TLDC2: variants seen among roughly 807,000 people sequenced by gnomAD.
The protein encoded by TLDC2 is TLD domain-containing protein 2.
In TLDC2, 23 loss-of-function variants were observed where a neutral mutation model predicts 27.9. The observed-to-expected ratio is 0.82, with a 90% CI of 0.59 to 1.17. TLDC2 has a LOEUF of 1.17. Ranked by LOEUF, TLDC2 falls within the 50% of genes most tolerant of loss-of-function variation. The pLI, the probability that TLDC2 is intolerant of heterozygous loss-of-function variation, is 0.00. For synonymous variants in TLDC2, 124 were observed against 107.4 expected, an observed-to-expected ratio of 1.16 and a Z score of -0.96; for missense variants, 286 against 273.4, an observed-to-expected ratio of 1.05 and a Z score of -0.32.
chr20:36,884,508 G>A (rs967736069), intron 4 of TLDC2, among the ~76,000 whole-genome samples: 5 of 151,922 alleles, frequency 3.3e-5, no homozygotes, highest in African/African-American at 1.2e-4. Context: ...TGTAATCCCA[G>A]CACTCGTGGG....
chr20:36,876,756 T>C (rs1989678003), intron 1 of TLDC2, among the ~76,000 whole-genome samples: 1 of 151,586 alleles, frequency 6.6e-6, no homozygotes, highest in Non-Finnish European at 1.5e-5. Context: ...CACACACACA[T>C]TCAAACACAC....
chr20:36,878,141 A>C (rs1019823540), intron 2 of TLDC2, 87 bp downstream of exon 2: 1 of 1,415,064 alleles, frequency 7.1e-7, no homozygotes, highest in Non-Finnish European at 9.5e-7. Context: ...GCCCAGGGGC[A>C]CCTAGAGTCA....
At chr20:36,876,369 G>A (rs1411495970) in intron 1 of TLDC2, among the ~76,000 whole-genome samples, 162 bp downstream of exon 1, 1 of 152,182 alleles carries the variant, frequency 6.6e-6, no homozygotes, top group Non-Finnish European at 1.5e-5. Context: ...ACTGACTCAG[G>A]AACATGGGGT....
intron 2 of TLDC2, 144 bp from the exon 3 acceptor site, chr20:36,878,897 C>T: frequency 1.6e-6 from 2 of 1,217,108 alleles, no homozygotes; most frequent in East Asian, 2.4e-5. Context: ...TGGCTGATGG[C>T]ATGAAAGTCC....
At chr20:36,888,318 G>A (rs1452931178) in intron 5 of TLDC2, among the ~76,000 whole-genome samples, 2 of 151,310 alleles carry the variant, frequency 1.3e-5, no homozygotes, top group Non-Finnish European at 2.9e-5. Flanking sequence ...CACACCCTCC[G>A]ACTCCTGGGT....
intron 6 of TLDC2, chr20:36,890,567 C>G (rs143276320): frequency 6.6e-6 from 1 of 151,966 alleles, no homozygotes; most frequent in African/African-American, 2.4e-5. Flanking sequence ...CGGATTCAAG[C>G]GATTCTCCTG....
intron 2 of TLDC2, 68 bp from the exon 3 acceptor site, chr20:36,878,973 C>CTAG: frequency 6.2e-7 from 1 of 1,611,612 alleles, no homozygotes; most frequent in Admixed American, 1.7e-5. Context: ...GCTGTCCAAG[C>CTAG]CCACCCCCAG....
At chr20:36,881,551 G>A (rs922007753) in intron 4 of TLDC2, among the ~76,000 whole-genome samples, 7 of 152,208 alleles carry the variant, frequency 4.6e-5, no homozygotes, top group Admixed American at 3.3e-4. Context: ...AGGTTAGGAC[G>A]CCGCCACTTC....
chr20:36,884,808 A>G (rs1032283585), intron 4 of TLDC2, among the ~76,000 whole-genome samples: 3 of 139,770 alleles, frequency 2.1e-5, no homozygotes, highest in Non-Finnish European at 4.7e-5. Flanking sequence ...AAATGACAAC[A>G]CCCAGCCCTA....
At position 36,893,254 on chromosome 20, in the gene TLDC2, T is replaced by C; in HGVS notation, c.*410T>C. Reference sequence around the variant, plus strand: ...GGGCAAATTAGAAACACTACAGTCTTACGCAGGAAGAGCCTTCATGAAAAC... The same window carrying C: ...GGGCAAATTAGAAACACTACAGTCTCACGCAGGAAGAGCCTTCATGAAAAC... On this transcript the variant is annotated 3_prime_UTR_variant, in exon 7 of 7. Coordinates refer to ENST00000217320, the MANE Select transcript of TLDC2 (RefSeq NM_080628.3). The C allele has an allele frequency of 1.5e-6, 1 of 678,090 alleles. No homozygotes were observed. Among genetic ancestry groups the C allele is most frequent in the Admixed American group, 2.6e-5 (1 of 38,610 alleles). The allele number at this position is 678,090 out of a possible 1,614,324, so 42.0% of individuals were successfully genotyped here. A position where few individuals can be genotyped will look rare whatever the true frequency, so the allele number is the denominator to read the frequency against.
In TLDC2 at chr20:36,894,100, C is replaced by T; in HGVS notation, c.*1256C>T. 1 of 396,572 alleles carries T rather than the reference C, an allele frequency of 2.5e-6. No individual in the cohort carries two copies. Among genetic ancestry groups the T allele is most frequent in the Non-Finnish European group, 4.4e-6 (1 of 225,484 alleles). The allele number at this position is 396,572 out of a possible 1,614,324, so 24.6% of individuals were successfully genotyped here. ...CCTATCCTAGAGGTGGTAGCAGCTTCCTGCTGTTGAATCACTGTCCTCTAT... is the reference window on the plus strand; with the variant it reads ...CCTATCCTAGAGGTGGTAGCAGCTTTCTGCTGTTGAATCACTGTCCTCTAT... On this transcript the variant is annotated 3_prime_UTR_variant, in exon 7 of 7. Coordinates refer to ENST00000217320, the MANE Select transcript of TLDC2 (RefSeq NM_080628.3).
chr20:36,884,167 C>T (rs1989871807), intron 4 of TLDC2, among the ~76,000 whole-genome samples: 1 of 152,294 alleles, frequency 6.6e-6, no homozygotes, highest in South Asian at 2.1e-4. Flanking sequence ...TTGGCTTCCT[C>T]TTTCACTTGG....
intron 1 of TLDC2, among the ~76,000 whole-genome samples, chr20:36,877,226 C>A (rs112866451): frequency 2.7e-4 from 41 of 151,830 alleles, no homozygotes; most frequent in Non-Finnish European, 4.9e-4. Context: ...ACTAAAAATA[C>A]AAAAATTAGC....
At chr20:36,884,936 T>C (rs1989890744) in intron 4 of TLDC2, among the ~76,000 whole-genome samples, 1 of 137,636 alleles carries the variant, frequency 7.3e-6, no homozygotes, top group Non-Finnish European at 1.5e-5. Flanking sequence ...TGGAGTGCAG[T>C]GGGGCAATCT....
intron 4 of TLDC2, among the ~76,000 whole-genome samples, chr20:36,886,190 G>A (rs1443799972): frequency 6.6e-6 from 1 of 152,168 alleles, no homozygotes; most frequent in Non-Finnish European, 1.5e-5. Flanking sequence ...GTGCAGTGGT[G>A]CGATCATAGC....
At position 36,877,996 on chromosome 20, in the gene TLDC2, C is replaced by T; in HGVS notation, c.131C>T (p.Pro44Leu). The T allele has an allele frequency of 6.2e-7, 1 of 1,614,110 alleles. No homozygotes were observed. Among genetic ancestry groups the T allele is most frequent in the Non-Finnish European group, 8.5e-7 (1 of 1,179,998 alleles). ...APDPAAAPED[P>L]TVPQLTEASQ... ...GACCCAGCTGCTGCTCCTGAGGATCCCACGGTGCCCCAGCTGACAGAAGCC... is the reference window on the plus strand; with the variant it reads ...GACCCAGCTGCTGCTCCTGAGGATCTCACGGTGCCCCAGCTGACAGAAGCC... Residue 44 changes from proline (P) to leucine (L), a missense_variant, in exon 2 of 7, where the codon CCC (proline) becomes CTC (leucine). Physicochemically the swap from Pro to Leu is moderately conservative, Grantham distance 98 (BLOSUM62 -3). Coordinates refer to ENST00000217320, the MANE Select transcript of TLDC2 (RefSeq NM_080628.3).
intron 3 of TLDC2, among the ~76,000 whole-genome samples, chr20:36,880,102 CT>C (rs71186084): frequency 3.1e-5 from 3 of 95,990 alleles, no homozygotes; most frequent in African/African-American, 1.2e-4. Context: ...TATATATATA[CT>C]TTTTTTTTGA....
chr20:36,890,845 A>T (rs531556695), intron 6 of TLDC2: 1 of 152,368 alleles, frequency 6.6e-6, no homozygotes, highest in South Asian at 2.1e-4. Context: ...AACATAAAGT[A>T]CAGCTGCGTT....
intron 1 of TLDC2, among the ~76,000 whole-genome samples, chr20:36,877,440 G>A (rs1238456315): frequency 6.6e-5 from 10 of 151,640 alleles, no homozygotes; most frequent in Non-Finnish European, 1.0e-4. Flanking sequence ...ATCACAGACA[G>A]TGCACACTGA....
Sources: gnomAD v4.1 joint callset for allele counts (sites outside exome capture counted in the v4.1 genomes callset) on GRCh38, gnomAD v4.1.1 for gene constraint, MANE v1.5 for transcripts, NCBI Gene and HGNC (gene_info 2026-07-23, HGNC 2026-07-21) for gene names.